XPR1: variants seen among roughly 807,000 people sequenced by gnomAD.
XPR1 encodes the protein xenotropic and polytropic retrovirus receptor 1.
Under a neutral mutation model 87.5 loss-of-function variants are expected in XPR1, and 28 were observed. That is an observed-to-expected ratio of 0.32 (90% CI 0.24 to 0.44). The LOEUF (loss-of-function observed/expected upper bound fraction) is 0.44, where lower values mean the gene tolerates loss of function less well. Among genes scored for constraint, XPR1 ranks in the 20% least tolerant of loss-of-function variants. XPR1 has a pLI of 1.00. For synonymous variants in XPR1, 300 were observed against 306.1 expected (o/e 0.98, Z 0.21); for missense variants, 559 against 862.3 (o/e 0.65, Z 4.41).
At chr1:180,845,184 A>G (rs1468954175) in intron 11 of XPR1, among the ~76,000 whole-genome samples, 4 of 152,238 alleles carry the variant, frequency 2.6e-5, no homozygotes, top group African/African-American at 9.6e-5. Flanking sequence ...GATGATGCCT[A>G]TCACTGGCAA....
At chr1:180,810,283 A>T (rs188256319) in intron 6 of XPR1, among the ~76,000 whole-genome samples, 4 of 152,316 alleles carry the variant, frequency 2.6e-5, no homozygotes, top group Admixed American at 6.5e-5. Context: ...AATTTACTTT[A>T]AATTACCCCA....
rs10690260 is a variant in XPR1, at chr1:180,883,126, CTTTT to C, written c.2031-860_2031-857del. On this transcript the variant is annotated intron_variant, in intron 14 of 14. Coordinates refer to ENST00000367590, the MANE Select transcript of XPR1 (RefSeq NM_004736.4). Reference sequence around the variant, plus strand: ...TACAGGTTTGCACTATCATACCTGGCTTTTTTTTTTTTTTTTTTTTTTTAAGACA... The same window carrying C: ...TACAGGTTTGCACTATCATACCTGGCTTTTTTTTTTTTTTTTTTTAAGACA... 1.0e-4 allele frequency among the ~76,000 whole-genome samples: 9 copies of C among 87,204 alleles called. No individual in the cohort carries two copies. In the Admixed American group the frequency reaches 1.1e-3, roughly 11 times the overall value. 57.2% of individuals were successfully genotyped at this position (87,204 alleles called of 152,430 possible). A position where few individuals can be genotyped will look rare whatever the true frequency, so the allele number is the denominator to read the frequency against.
intron 7 of XPR1, among the ~76,000 whole-genome samples, chr1:180,819,103 G>A (rs957641162): frequency 3.3e-5 from 5 of 152,026 alleles, no homozygotes; most frequent in Admixed American, 3.3e-4. Context: ...GTATGGAGTA[G>A]CACCATGCCT....
Position 180,855,644 on chromosome 1 carries a change from CAG to C in XPR1, c.1502-8061_1502-8060del, listed in dbSNP as rs1469959947. On this transcript the variant is annotated intron_variant, in intron 11 of 14. Transcript: ENST00000367590. ...ATGCCACTGCTCTCCAGCCTGGCGACAGAGTGAGACTGTGTCTCAAAAAAAAA... is the reference window on the plus strand; with the variant it reads ...ATGCCACTGCTCTCCAGCCTGGCGACAGTGAGACTGTGTCTCAAAAAAAAA... 2.1e-5 allele frequency among the ~76,000 whole-genome samples: 3 copies of C among 139,858 alleles called. No individual in the cohort carries two copies. In the South Asian group the frequency reaches 6.7e-4, roughly 31 times the overall value. 91.8% of individuals were successfully genotyped at this position (139,858 alleles called of 152,430 possible). A position where few individuals can be genotyped will look rare whatever the true frequency, so the allele number is the denominator to read the frequency against.
At chr1:180,790,892 G>A (rs1410030442) in intron 3 of XPR1, among the ~76,000 whole-genome samples, 1 of 152,036 alleles carries the variant, frequency 6.6e-6, no homozygotes, top group Non-Finnish European at 1.5e-5. Context: ...TTCTGTATGG[G>A]AAAAATATAC....
chr1:180,637,472 C>G (rs1233274960), intron 1 of XPR1, among the ~76,000 whole-genome samples: 2 of 152,174 alleles, frequency 1.3e-5, no homozygotes, highest in Non-Finnish European at 2.9e-5. Flanking sequence ...AGCTTTTTGG[C>G]AGCCAAATTA....
chr1:180,880,071 C>T lies in XPR1; in HGVS notation c.1809-5C>T, dbSNP rs1229926533. The T allele has an allele frequency of 6.2e-7, 1 of 1,614,166 alleles. No individual in the cohort carries two copies. Among genetic ancestry groups the T allele is most frequent in the Non-Finnish European group, 8.5e-7 (1 of 1,180,024 alleles). ...AAGTACTTTGATCTACCCCATTTTGCTAAGGCGATTTGTGTGGAACTTCTT... is the reference window on the plus strand; with the variant it reads ...AAGTACTTTGATCTACCCCATTTTGTTAAGGCGATTTGTGTGGAACTTCTT... On this transcript the variant is annotated splice_region_variant and splice_polypyrimidine_tract_variant and intron_variant, in intron 13 of 14. Coordinates refer to ENST00000367590, the MANE Select transcript of XPR1 (RefSeq NM_004736.4).
chr1:180,747,731 A>T (rs1647319593), intron 2 of XPR1, among the ~76,000 whole-genome samples: 1 of 152,238 alleles, frequency 6.6e-6, no homozygotes, highest in Non-Finnish European at 1.5e-5. Flanking sequence ...AGTGAACAGA[A>T]CATATGTACA....
Position 180,796,743 on chromosome 1 carries a change from A to AAT in XPR1, c.224-6641_224-6640dup, listed in dbSNP as rs200666932. On this transcript the variant is annotated intron_variant, in intron 3 of 14. Transcript: ENST00000367590. ...CTGCAGACTGAAGATATTTAAACAA[A>AAT]ATATAATCGCTTCTCGGCCTTTTGG... is the stretch of plus-strand genomic sequence containing the variant. 4.6e-3 allele frequency among the ~76,000 whole-genome samples: 695 copies of AAT among 152,346 alleles called. 6 individuals are homozygous for AAT. Among genetic ancestry groups the AAT allele is most frequent in the African/African-American group, 0.016 (665 of 41,576 alleles).
chr1:180,652,909 T>G (rs1655342537), intron 1 of XPR1, among the ~76,000 whole-genome samples: 1 of 152,214 alleles, frequency 6.6e-6, no homozygotes, highest in Non-Finnish European at 1.5e-5. Flanking sequence ...TTTTGTGAGA[T>G]TGCAGTCAAG....
chr1:180,730,997 G>A (rs10914083), intron 2 of XPR1, among the ~76,000 whole-genome samples: 72,620 of 151,898 alleles, frequency 0.48, 17,869 homozygotes, highest in African/African-American at 0.5. Context: ...GTGTATTCAG[G>A]TGATTCTCTG....
chr1:180,662,838 TCTGA>T (rs1655824534), intron 1 of XPR1, among the ~76,000 whole-genome samples: 1 of 152,210 alleles, frequency 6.6e-6, no homozygotes, highest in East Asian at 1.9e-4. Flanking sequence ...TTTCATCTCT[TCTGA>T]CTGTGTGTTT....
At chr1:180,657,526 G>A (rs1481078603) in intron 1 of XPR1, among the ~76,000 whole-genome samples, 2 of 152,174 alleles carry the variant, frequency 1.3e-5, no homozygotes, top group Non-Finnish European at 2.9e-5. Context: ...AGTTTTCCCA[G>A]TACCACTTAC....
chr1:180,832,354 C>T (rs1651096314), intron 9 of XPR1, among the ~76,000 whole-genome samples: 1 of 152,106 alleles, frequency 6.6e-6, no homozygotes, highest in Non-Finnish European at 1.5e-5. Context: ...GTTCACTCTG[C>T]TGATAGCTTC....
At chr1:180,881,794 CAG>C (rs1652860108) in intron 14 of XPR1, among the ~76,000 whole-genome samples, 2 of 152,076 alleles carry the variant, frequency 1.3e-5, no homozygotes, top group Non-Finnish European at 2.9e-5. Flanking sequence ...CAGAGAAAAG[CAG>C]AGAGCAGGGA....
intron 11 of XPR1, among the ~76,000 whole-genome samples, chr1:180,854,038 G>C (rs1651958863): frequency 6.6e-6 from 1 of 152,156 alleles, no homozygotes; most frequent in African/African-American, 2.4e-5. Context: ...CAAAATGTTA[G>C]AACAATGCCG....
intron 2 of XPR1, among the ~76,000 whole-genome samples, chr1:180,770,794 C>A (rs1012206505): frequency 1.1e-4 from 17 of 152,138 alleles, no homozygotes; most frequent in African/African-American, 4.1e-4. Flanking sequence ...TCTCTTCAGC[C>A]TCATTTTACA....
At chr1:180,635,647 G>A (rs973562866) in intron 1 of XPR1, among the ~76,000 whole-genome samples, 1 of 152,138 alleles carries the variant, frequency 6.6e-6, no homozygotes, top group Non-Finnish European at 1.5e-5. Flanking sequence ...TGTTTTTCCA[G>A]GCAAGGAAAC....
chr1:180,882,467 C>T (rs1318183447), intron 14 of XPR1, among the ~76,000 whole-genome samples: 2 of 152,136 alleles, frequency 1.3e-5, no homozygotes, highest in African/African-American at 4.8e-5. Context: ...AGCACTCCTC[C>T]CACCTCAGCC....
Sources: gnomAD v4.1 joint callset for allele counts (sites outside exome capture counted in the v4.1 genomes callset) on GRCh38, gnomAD v4.1.1 for gene constraint, MANE v1.5 for transcripts, NCBI Gene and HGNC (gene_info 2026-07-23, HGNC 2026-07-21) for gene names.